The following STAM2 variants were observed in gnomAD, a reference collection of about 807,000 sequenced individuals.
The protein encoded by STAM2 is signal transducing adapter molecule 2.
In STAM2, 51 loss-of-function variants were observed where a neutral mutation model predicts 65.6. The ratio of observed to expected loss-of-function variants is 0.78; its 90% CI spans 0.62 to 0.98. The LOEUF (loss-of-function observed/expected upper bound fraction) is 0.98. Ranked by LOEUF, STAM2 falls within the 50% of genes least tolerant of loss-of-function variation. The pLI is 0.00. For missense variants in STAM2, 584 were observed against 617.8 expected (o/e 0.95, Z 0.58); for synonymous variants, 198 against 208.4 (o/e 0.95, Z 0.43).
At chr2:152,147,504 TGAC>T (rs1689357585) in intron 4 of STAM2, among the ~76,000 whole-genome samples, 196 bp from the exon 5 acceptor site, 1 of 152,206 alleles carries the variant, frequency 6.6e-6, no homozygotes, top group African/African-American at 2.4e-5. Flanking sequence ...TCATACAAAA[TGAC>T]TGTTTTTAAC....
chr2:152,123,698 A>C (rs1002678647), intron 13 of STAM2, 68 bp downstream of exon 13: 2 of 1,432,208 alleles, frequency 1.4e-6, no homozygotes, highest in Non-Finnish European at 1.9e-6. Context: ...ATAAGGGTCT[A>C]TATATTCTCA....
chr2:152,132,920 T>C (rs933381298), intron 10 of STAM2, among the ~76,000 whole-genome samples: 1 of 152,124 alleles, frequency 6.6e-6, no homozygotes, highest in African/African-American at 2.4e-5. Context: ...CTGTCCTTTT[T>C]TGGACTGCAA....
chr2:152,155,741 T>C (rs1689530306), intron 1 of STAM2, among the ~76,000 whole-genome samples: 1 of 152,244 alleles, frequency 6.6e-6, no homozygotes, highest in Non-Finnish European at 1.5e-5. Flanking sequence ...GCATACTGTT[T>C]GAATTACCTG....
intron 12 of STAM2, among the ~76,000 whole-genome samples, chr2:152,125,829 C>CGTTA (rs1297316314): frequency 6.6e-6 from 1 of 152,140 alleles, no homozygotes; most frequent in Non-Finnish European, 1.5e-5. Context: ...AGCAGGAAAG[C>CGTTA]GTTAGTACCT....
In STAM2 at chr2:152,120,373, T is replaced by A. The variant is rs903055138; in HGVS notation, c.*201A>T. Reference sequence around the variant, plus strand: ...CTTTAAGCTGCCTCTGATGAAAAGATTGACTTCAAACAAACTGGACTGAAA... The same window carrying A: ...CTTTAAGCTGCCTCTGATGAAAAGAATGACTTCAAACAAACTGGACTGAAA... On this transcript the variant is annotated 3_prime_UTR_variant, in exon 14 of 14. Coordinates refer to ENST00000263904, the MANE Select transcript of STAM2 (RefSeq NM_005843.6). 1 of 551,212 alleles carries A rather than the reference T, an allele frequency of 1.8e-6. No individual in the cohort carries two copies. The highest frequency in any genetic ancestry group is 3.2e-6 in the Non-Finnish European group (1 of 314,612). The allele number at this position is 551,212 out of a possible 1,614,324, so 34.1% of individuals were successfully genotyped here.
chr2:152,161,329 TAATCTC>T (rs1250274071), intron 1 of STAM2, among the ~76,000 whole-genome samples: 1 of 150,756 alleles, frequency 6.6e-6, no homozygotes, highest in Non-Finnish European at 1.5e-5. Flanking sequence ...CACCACTCCC[TAATCTC>T]AAGTACCCAG....
At chr2:152,132,768 C>T (rs572387837) in intron 10 of STAM2, among the ~76,000 whole-genome samples, 39 of 138,206 alleles carry the variant, frequency 2.8e-4, no homozygotes, top group Admixed American at 8.1e-4. Flanking sequence ...AAAGACACAT[C>T]AACATGCATC....
chr2:152,151,107 G>T (rs1689436777), intron 1 of STAM2, among the ~76,000 whole-genome samples: 1 of 150,720 alleles, frequency 6.6e-6, no homozygotes, highest in Admixed American at 6.6e-5. Context: ...CTCAAAATAT[G>T]ATTTGCTTGG....
At position 152,148,256 on chromosome 2, in the gene STAM2, T is replaced by C; in HGVS notation, c.170A>G (p.Lys57Arg). ...LKAIMKRVNH[K>R]VPHVALQALT... Reference sequence around the variant, plus strand: ...TGCTTGCAGAGCAACATGTGGAACCTTATGATTTACCCTTTTCATTATGGC... The same window carrying C: ...TGCTTGCAGAGCAACATGTGGAACCCTATGATTTACCCTTTTCATTATGGC... Residue 57 changes from lysine to arginine, a missense_variant, in exon 3 of 14, where the codon AAG becomes AGG. Physicochemically the swap from Lys to Arg is conservative, Grantham distance 26 (BLOSUM62 2). Transcript: ENST00000263904. 6.2e-7 allele frequency: 1 copy of C among 1,611,744 alleles called. No homozygotes were observed. The highest frequency in any genetic ancestry group is 8.5e-7 in the Non-Finnish European group (1 of 1,179,080).
chr2:152,154,572 C>T (rs138104612), intron 1 of STAM2, among the ~76,000 whole-genome samples: 5 of 152,118 alleles, frequency 3.3e-5, no homozygotes, highest in African/African-American at 4.8e-5. Flanking sequence ...GAGACAAGAT[C>T]GCACCACTGC....
At position 152,119,031 on chromosome 2, in the gene STAM2, T is replaced by C. The variant is rs1438978364; in HGVS notation, c.*1543A>G. On this transcript the variant is annotated 3_prime_UTR_variant, in exon 14 of 14. Coordinates refer to ENST00000263904, the MANE Select transcript of STAM2 (RefSeq NM_005843.6). ...AAATTTCTGTAGATAAATGGCAAAA[T>C]TTTCAGAGAACTAGCTTGAAATGGA... is the stretch of plus-strand genomic sequence containing the variant. 1 of 152,118 alleles carries C rather than the reference T, an allele frequency of 6.6e-6. No homozygotes were observed. The highest frequency in any genetic ancestry group is 1.5e-5 in the Non-Finnish European group (1 of 67,996). 9.4% of individuals were successfully genotyped at this position (152,118 alleles called of 1,614,324 possible).
At chr2:152,138,163 A>G (rs1369640771) in intron 7 of STAM2, among the ~76,000 whole-genome samples, 2 of 152,170 alleles carry the variant, frequency 1.3e-5, no homozygotes, top group Non-Finnish European at 2.9e-5. Flanking sequence ...ATAAGAAAAA[A>G]GAAATCTTTG....
intron 6 of STAM2, 98 bp from the exon 7 acceptor site, chr2:152,144,111 T>C: frequency 8.7e-7 from 1 of 1,144,836 alleles, no homozygotes; most frequent in Non-Finnish European, 1.2e-6. Context: ...AATCAAGCAT[T>C]TTATTTGTCT....
intron 1 of STAM2, among the ~76,000 whole-genome samples, chr2:152,166,667 T>A (rs1038709809): frequency 6.6e-6 from 1 of 152,058 alleles, no homozygotes; most frequent in Admixed American, 6.5e-5. Flanking sequence ...AAGGTATTAA[T>A]GTTTGAAAAA....
At chr2:152,125,201 A>C (rs1688943285) in intron 12 of STAM2, among the ~76,000 whole-genome samples, 1 of 152,264 alleles carries the variant, frequency 6.6e-6, no homozygotes, top group Non-Finnish European at 1.5e-5. Flanking sequence ...TGAAAACAGA[A>C]GCAAACTGAA....
At chr2:152,147,454 A>G (rs1291425419) in intron 4 of STAM2, 146 bp from the exon 5 acceptor site, 2 of 710,506 alleles carry the variant, frequency 2.8e-6, no homozygotes, top group African/African-American at 3.7e-5. Context: ...CTAGTTGAGT[A>G]ATTGATAGAT....
chr2:152,157,685 A>C (rs1689579048), intron 1 of STAM2, among the ~76,000 whole-genome samples: 1 of 152,254 alleles, frequency 6.6e-6, no homozygotes, highest in African/African-American at 2.4e-5. Flanking sequence ...TTGTTATGGC[A>C]GCCCAAGCAG....
At chr2:152,130,148 TA>T (rs1689032068) in intron 11 of STAM2, among the ~76,000 whole-genome samples, 1 of 152,232 alleles carries the variant, frequency 6.6e-6, no homozygotes, top group Non-Finnish European at 1.5e-5. Flanking sequence ...AGGTTCTCCC[TA>T]TGACTTCAGA....
chr2:152,145,780 T>G (rs1053929728), intron 5 of STAM2, among the ~76,000 whole-genome samples: 1 of 152,184 alleles, frequency 6.6e-6, no homozygotes, highest in Non-Finnish European at 1.5e-5. Context: ...AGCAGAGAAG[T>G]AAGGAAGGTC....
Sources: gnomAD v4.1 joint callset for allele counts (sites outside exome capture counted in the v4.1 genomes callset) on GRCh38, gnomAD v4.1.1 for gene constraint, MANE v1.5 for transcripts, NCBI Gene and HGNC (gene_info 2026-07-23, HGNC 2026-07-21) for gene names.